ETV6: variants seen among roughly 807,000 people sequenced by gnomAD.
ETV6 encodes the protein transcription factor ETV6.
A neutral mutation model predicts 51.1 loss-of-function variants in ETV6; 16 were observed. That is an observed-to-expected ratio of 0.31 (90% CI 0.21 to 0.48). The LOEUF (loss-of-function observed/expected upper bound fraction) is 0.48, where lower values mean the gene tolerates loss of function less well. ETV6 is among the 20% of genes least tolerant of loss of function. ETV6 has a pLI of 0.99. For synonymous variants in ETV6, 240 were observed against 224.1 expected (o/e 1.07, Z -0.64); for missense variants, 458 against 594.8 (o/e 0.77, Z 2.39).
intron 1 of ETV6, among the ~76,000 whole-genome samples, chr12:11,703,569 A>C (rs1865022253): frequency 6.6e-6 from 1 of 152,120 alleles, no homozygotes; most frequent in East Asian, 1.9e-4. Flanking sequence ...GCTTTCACCT[A>C]GCGGCCATGT....
At chr12:11,885,821 G>A (rs985425396) in intron 6 of ETV6, 105 bp from the exon 7 acceptor site, 1 of 768,698 alleles carries the variant, frequency 1.3e-6, no homozygotes, top group Non-Finnish European at 2.1e-6. Context: ...GCCACAGGCA[G>A]CAGCTGAAGA....
intron 1 of ETV6, among the ~76,000 whole-genome samples, chr12:11,723,264 G>C (rs1041991689): frequency 1.3e-5 from 2 of 152,138 alleles, no homozygotes; most frequent in Non-Finnish European, 2.9e-5. Context: ...CACGGTTATA[G>C]GCTCTCTGTA....
chr12:11,755,534 C>T (rs900297967), intron 2 of ETV6, among the ~76,000 whole-genome samples: 2 of 152,130 alleles, frequency 1.3e-5, no homozygotes, highest in African/African-American at 2.4e-5. Flanking sequence ...TCTGTCCTCC[C>T]GCTCCCGTTT....
chr12:11,731,606 G>A (rs559278293), intron 1 of ETV6, among the ~76,000 whole-genome samples: 1 of 152,092 alleles, frequency 6.6e-6, no homozygotes, highest in South Asian at 2.1e-4. Context: ...AACATGGGAC[G>A]GAACAGGAAG....
At chr12:11,721,581 A>C (rs1865388240) in intron 1 of ETV6, among the ~76,000 whole-genome samples, 1 of 152,176 alleles carries the variant, frequency 6.6e-6, no homozygotes, top group African/African-American at 2.4e-5. Context: ...TACTAGAGGG[A>C]GGAGCGGGAG....
At chr12:11,875,390 T>C (rs1286381334) in intron 5 of ETV6, among the ~76,000 whole-genome samples, 1 of 152,222 alleles carries the variant, frequency 6.6e-6, no homozygotes, top group Non-Finnish European at 1.5e-5. Flanking sequence ...GTGCTTGTTT[T>C]CTACTTGGTA....
At position 11,869,748 on chromosome 12, in the gene ETV6, C is replaced by T. The variant is rs1236419642; in HGVS notation, c.788C>T (p.Thr263Ile). 2 of 1,613,622 alleles carry T rather than the reference C, an allele frequency of 1.2e-6. No individual in the cohort carries two copies. Among genetic ancestry groups the T allele is most frequent in the African/African-American group, 1.3e-5 (1 of 74,918 alleles). Residue 263 changes from threonine to isoleucine, a missense_variant, in exon 5 of 8, where the codon ACA becomes ATA. This residue lies in a region of ETV6 where 293 missense variants were observed against 315.7 expected (regional missense o/e 0.93). Transcript: ENST00000396373. This position sits in a 1 kb window ranked among gnomAD's most constrained non-coding sequence, Gnocchi z 5.0. The part of the protein sequence containing the change: ...PKPSSPRQES[T>I]RVIQLMPSPI... ...CCATCCAGCCCCCGGCAGGAGAGCA[C>T]ACGCGTGATCCAGCTGATGCCCAGC...
intron 3 of ETV6, among the ~76,000 whole-genome samples, chr12:11,842,946 T>G (rs1056773846): frequency 3.3e-5 from 5 of 152,186 alleles, no homozygotes; most frequent in African/African-American, 1.2e-4. Context: ...TCAAGAAAAC[T>G]TGTCCTGATC....
In ETV6 at chr12:11,798,144, C is replaced by T. The variant is rs73275224; in HGVS notation, c.164-40996C>T. On this transcript the variant is annotated intron_variant, in intron 2 of 7. Transcript: ENST00000396373. Reference sequence around the variant, plus strand: ...TCTTGACCTCAAGGAACTTGTAATTCGTTGGGGAAGACAGATAAGTAACCA... The same window carrying T: ...TCTTGACCTCAAGGAACTTGTAATTTGTTGGGGAAGACAGATAAGTAACCA... Among the ~76,000 whole-genome samples the T allele has an allele frequency of 8.9e-3, 1,351 of 152,274 alleles. 14 individuals carry two copies. The highest frequency in any genetic ancestry group is 0.055 in the South Asian group (266 of 4,822).
intron 2 of ETV6, among the ~76,000 whole-genome samples, chr12:11,800,564 A>G (rs1246575834): frequency 6.6e-6 from 1 of 151,846 alleles, no homozygotes; most frequent in Admixed American, 6.6e-5. Context: ...CCCCACCCGC[A>G]TCCCTTCTTT....
At chr12:11,801,777 G>A (rs187945534) in intron 2 of ETV6, among the ~76,000 whole-genome samples, 12 of 152,292 alleles carry the variant, frequency 7.9e-5, no homozygotes, top group African/African-American at 1.7e-4. Context: ...ACCTGCACCC[G>A]CATGCATTCT....
chr12:11,667,742 G>C (rs374679103), intron 1 of ETV6, among the ~76,000 whole-genome samples: 1 of 121,018 alleles, frequency 8.3e-6, no homozygotes, highest in African/African-American at 3.0e-5. Context: ...TCACTCGGCC[G>C]CCCAGGCTGG....
At chr12:11,757,958 A>G (rs186703379) in intron 2 of ETV6, among the ~76,000 whole-genome samples, 1 of 152,272 alleles carries the variant, frequency 6.6e-6, no homozygotes, top group African/African-American at 2.4e-5. Flanking sequence ...AGCTCAGGTT[A>G]GAGTTGAATT....
At chr12:11,652,574 T>C (rs1170908025) in intron 1 of ETV6, among the ~76,000 whole-genome samples, 1 of 152,210 alleles carries the variant, frequency 6.6e-6, no homozygotes, top group Non-Finnish European at 1.5e-5. Flanking sequence ...CAAAAGGCTC[T>C]CACTGTGGAG....
intron 1 of ETV6, among the ~76,000 whole-genome samples, chr12:11,709,507 C>A (rs1865134880): frequency 6.6e-6 from 1 of 152,060 alleles, no homozygotes; most frequent in Non-Finnish European, 1.5e-5. Flanking sequence ...CTGGCTAGAT[C>A]TCATGTTTTC....
intron 2 of ETV6, among the ~76,000 whole-genome samples, chr12:11,756,799 T>C (rs977673767): frequency 5.3e-5 from 8 of 152,202 alleles, no homozygotes; most frequent in Non-Finnish European, 1.2e-4. Flanking sequence ...GCTTACCTTA[T>C]GAAACACTGG....
chr12:11,760,073 T>C (rs1054269855), intron 2 of ETV6, among the ~76,000 whole-genome samples: 2 of 152,004 alleles, frequency 1.3e-5, no homozygotes, highest in Non-Finnish European at 2.9e-5. Flanking sequence ...GTGTGAGTGT[T>C]TTGTGGTTCA....
intron 2 of ETV6, chr12:11,825,695 A>G (rs1352648431): frequency 6.6e-6 from 1 of 152,204 alleles, no homozygotes; most frequent in Non-Finnish European, 1.5e-5. Context: ...ACATTCAGCC[A>G]TCTCCAGTCA....
At chr12:11,685,791 A>G (rs2120765682) in intron 1 of ETV6, among the ~76,000 whole-genome samples, 1 of 152,324 alleles carries the variant, frequency 6.6e-6, no homozygotes, top group African/African-American at 2.4e-5. Context: ...ATTGAACAAA[A>G]GTGGATGATT....
Sources: allele counts gnomAD v4.1 joint callset (sites outside exome capture counted in the v4.1 genomes callset), GRCh38; gene constraint gnomAD v4.1.1; regional missense constraint gnomAD v4.1.1; non-coding constraint Gnocchi (gnomAD v3.1); transcripts MANE v1.5; gene names NCBI Gene and HGNC (gene_info 2026-07-23, HGNC 2026-07-21).